LRRC49: variants seen among roughly 807,000 people sequenced by gnomAD.
LRRC49 encodes the protein leucine-rich repeat-containing protein 49.
LRRC49 carries 50 observed loss-of-function variants against 83.3 expected under a neutral mutation model. The observed-to-expected ratio is 0.60, with a 90% confidence interval of 0.48 to 0.76. LRRC49 has a LOEUF of 0.76. Ranked by LOEUF, LRRC49 falls within the 30% of genes least tolerant of loss-of-function variation. The pLI, the probability that LRRC49 is intolerant of heterozygous loss-of-function variation, is 0.00. For synonymous variants in LRRC49, 286 were observed against 283.3 expected, an observed-to-expected ratio of 1.01 and a Z score of -0.10; for missense variants, 704 against 809.1, an observed-to-expected ratio of 0.87 and a Z score of 1.58.
intron 8 of LRRC49, among the ~76,000 whole-genome samples, chr15:70,941,007 T>C (rs2035795358): frequency 6.6e-6 from 1 of 152,192 alleles, no homozygotes; most frequent in Non-Finnish European, 1.5e-5. Flanking sequence ...GATTTAAAAA[T>C]AGGGGCATTT....
At chr15:70,970,499 A>T (rs961304875) in intron 9 of LRRC49, among the ~76,000 whole-genome samples, 3 of 152,188 alleles carry the variant, frequency 2.0e-5, no homozygotes, top group Non-Finnish European at 4.4e-5. Flanking sequence ...CTGGCCTCAT[A>T]AAATGAGTTA....
chr15:70,981,349 TG>T (rs1343616043), intron 10 of LRRC49, among the ~76,000 whole-genome samples: 1 of 65,228 alleles, frequency 1.5e-5, no homozygotes, highest in Admixed American at 1.8e-4. Context: ...TGTTGGAGGG[TG>T]GGGGGGCTAG....
intron 12 of LRRC49, 37 bp downstream of exon 12, chr15:71,008,653 T>G (rs1257755345): frequency 6.9e-7 from 1 of 1,455,506 alleles, no homozygotes. Context: ...TTGAATATTC[T>G]TAGTCAATGA....
intron 1 of LRRC49, among the ~76,000 whole-genome samples, chr15:70,857,503 A>G (rs181315093): frequency 2.9e-4 from 43 of 150,258 alleles, no homozygotes; most frequent in African/African-American, 9.5e-4. Flanking sequence ...AAATTAAAGG[A>G]AAAAAAAAGG....
chr15:70,958,932 C>T (rs2141190700), intron 8 of LRRC49, among the ~76,000 whole-genome samples: 1 of 152,228 alleles, frequency 6.6e-6, no homozygotes, highest in Non-Finnish European at 1.5e-5. Context: ...GTAGAACTTG[C>T]CTCAACCTTG....
intron 10 of LRRC49, among the ~76,000 whole-genome samples, chr15:70,980,572 G>A (rs1316267484): frequency 7.4e-6 from 1 of 135,428 alleles, no homozygotes; most frequent in East Asian, 2.1e-4. Context: ...GCTCTGCTAC[G>A]TTTTTTTTTT....
upstream of LRRC49, among the ~76,000 whole-genome samples, chr15:70,890,308 G>C (rs957577773): frequency 5.9e-5 from 9 of 152,180 alleles, no homozygotes; most frequent in African/African-American, 2.2e-4. Flanking sequence ...GGTGGTGATG[G>C]TGGACAGATG....
At chr15:71,027,299 T>C (rs1403938332) in intron 14 of LRRC49, among the ~76,000 whole-genome samples, 1 of 152,230 alleles carries the variant, frequency 6.6e-6, no homozygotes, top group Non-Finnish European at 1.5e-5. Context: ...TCCATTGGTC[T>C]ATATGTCTGT....
intron 1 of LRRC49, among the ~76,000 whole-genome samples, chr15:70,864,728 T>C (rs1303800096): frequency 6.6e-6 from 1 of 152,208 alleles, no homozygotes; most frequent in Non-Finnish European, 1.5e-5. Context: ...TACGGGACAT[T>C]CAATGCTGTC....
intron 11 of LRRC49, among the ~76,000 whole-genome samples, chr15:70,987,104 G>T (rs1360990878): frequency 1.3e-5 from 2 of 152,022 alleles, no homozygotes; most frequent in African/African-American, 4.8e-5. Flanking sequence ...CTCTTTTTTG[G>T]TTGTGTCTCT....
At chr15:70,928,105 T>TA (rs1469763030) in intron 7 of LRRC49, among the ~76,000 whole-genome samples, 22 of 152,222 alleles carry the variant, frequency 1.4e-4, no homozygotes, top group Admixed American at 3.3e-4. Flanking sequence ...AATCGAGTAC[T>TA]AATCAAATGG....
chr15:71,030,398 C>T lies in LRRC49; in HGVS notation c.1704-6781C>T, dbSNP rs978925522. On this transcript the variant is annotated intron_variant, in intron 14 of 15. Transcript: ENST00000260382. The stretch of plus-strand genomic sequence containing the variant: ...GCAGAGAGATCCACTGTTAGTCTGA[C>T]GGGCTTCCCTTTGTGGGTAACCTGA... Among the ~76,000 whole-genome samples the T allele has an allele frequency of 5.9e-5, 9 of 152,274 alleles. No homozygotes were observed. The South Asian group carries it at 6.2e-4, about 11-fold the overall frequency.
In LRRC49 at chr15:70,911,565, A is replaced by C. The variant is rs368122143; in HGVS notation, c.534A>C (p.Lys178Asn). Residue 178 changes from lysine to asparagine, a missense_variant, in exon 6 of 16, where the codon AAA becomes AAC. By Grantham distance (94) the Lys-to-Asn change is moderately conservative. Around this residue, in one of 3 missense-constraint regions of LRRC49, gnomAD observed 261 missense variants for 330.5 expected, o/e 0.79. Transcript: ENST00000260382. The stretch of plus-strand genomic sequence containing the variant: ...AAATCTCAAATCTGGAGAATCTAAA[A>C]AGCTTAGATGTCTTGGATCTTCATG... ...IKKISNLENL[K>N]SLDVLDLHGN... 7.8e-5 allele frequency: 124 copies of C among 1,583,370 alleles called. No individual in the cohort carries two copies. The highest frequency in any genetic ancestry group is 1.0e-4 in the Non-Finnish European group (116 of 1,165,342).
At chr15:70,936,217 A>G (rs2035592266) in intron 7 of LRRC49, among the ~76,000 whole-genome samples, 1 of 152,148 alleles carries the variant, frequency 6.6e-6, no homozygotes, top group Non-Finnish European at 1.5e-5. Context: ...AGTACCCTTC[A>G]GTGACACTTA....
At chr15:70,957,009 T>G (rs909523418) in intron 8 of LRRC49, among the ~76,000 whole-genome samples, 4 of 152,350 alleles carry the variant, frequency 2.6e-5, no homozygotes, top group Admixed American at 2.6e-4. Context: ...ACAGGTCTTT[T>G]AGATCTCTGA....
chr15:70,928,678 G>A (rs1457329517), intron 7 of LRRC49, among the ~76,000 whole-genome samples: 1 of 152,062 alleles, frequency 6.6e-6, no homozygotes, highest in Non-Finnish European at 1.5e-5. Context: ...TAATTCTCCT[G>A]CCTCAGCCTC....
At chr15:70,873,240 A>C in intron 2 of LRRC49, 1 of 1,535,882 alleles carries the variant, frequency 6.5e-7, no homozygotes, top group Non-Finnish European at 8.7e-7. Flanking sequence ...CTACACTTTC[A>C]GTTGACATAA....
intron 8 of LRRC49, among the ~76,000 whole-genome samples, chr15:70,940,179 TG>T (rs1368005845): frequency 6.6e-6 from 1 of 152,070 alleles, no homozygotes; most frequent in Non-Finnish European, 1.5e-5. Context: ...TAAACTGCCC[TG>T]CAGTTGTCTA....
chr15:70,955,046 G>A (rs2036351716), intron 8 of LRRC49, among the ~76,000 whole-genome samples: 1 of 152,124 alleles, frequency 6.6e-6, no homozygotes, highest in African/African-American at 2.4e-5. Context: ...GGGTGCTGTG[G>A]GTAGGGTCGC....
Sources: gnomAD v4.1 joint callset for allele counts (sites outside exome capture counted in the v4.1 genomes callset) on GRCh38, gnomAD v4.1.1 for gene constraint, gnomAD v4.1.1 regional missense constraint, MANE v1.5 for transcripts, NCBI Gene and HGNC (gene_info 2026-07-23, HGNC 2026-07-21) for gene names.